Variants in LIX1L observed in about 807,000 individuals in gnomAD.
The protein encoded by LIX1L is LIX1-like protein.
A neutral mutation model predicts 34.0 loss-of-function variants in LIX1L; 20 were observed. That is an observed-to-expected ratio of 0.59 (90% CI 0.41 to 0.85). The LOEUF (loss-of-function observed/expected upper bound fraction) is 0.85. Ranked by LOEUF, LIX1L falls within the 40% of genes least tolerant of loss-of-function variation. The probability of loss-of-function intolerance (pLI) is 0.00; values close to 1 mark genes in which losing one functional copy is unlikely to be tolerated. For missense variants in LIX1L, 397 were observed against 447.0 expected, an observed-to-expected ratio of 0.89 and a Z score of 1.01; for synonymous variants, 170 against 187.4, an observed-to-expected ratio of 0.91 and a Z score of 0.76.
Position 145,936,075 on chromosome 1 carries a change from A to G in LIX1L, c.*235T>C. 2.0e-6 allele frequency: 1 copy of G among 503,268 alleles called. No homozygotes were observed. The highest frequency in any genetic ancestry group is 3.5e-6 in the Non-Finnish European group (1 of 286,968). 31.2% of individuals were successfully genotyped at this position (503,268 alleles called of 1,614,324 possible). On this transcript the variant is annotated 3_prime_UTR_variant, in exon 6 of 6. Coordinates refer to ENST00000604000, the MANE Select transcript of LIX1L (RefSeq NM_153713.3). ...TAAGAGCTAACAAAGCTGCAAAGAC[A>G]AGCTGCTCTTTGTTGTAAAGTGGAC...
chr1:145,946,820 G>T (rs1382045796), intron 2 of LIX1L, among the ~76,000 whole-genome samples: 1 of 152,100 alleles, frequency 6.6e-6, no homozygotes, highest in African/African-American at 2.4e-5. Flanking sequence ...TTGTCTAAGG[G>T]TTTCACAAAC....
At chr1:145,953,859 G>T (rs1649380608) in intron 1 of LIX1L, among the ~76,000 whole-genome samples, 1 of 152,102 alleles carries the variant, frequency 6.6e-6, no homozygotes, top group Admixed American at 6.5e-5. Flanking sequence ...TTCAAGATCA[G>T]CCTGGGCAAC....
intron 2 of LIX1L, among the ~76,000 whole-genome samples, chr1:145,943,179 T>C (rs10494241): frequency 0.036 from 5,500 of 152,276 alleles, 368 homozygotes; most frequent in African/African-American, 0.13. Flanking sequence ...ACAGAATTAG[T>C]TACTCAAAAG....
intron 3 of LIX1L, 144 bp downstream of exon 3, chr1:145,942,569 T>G: frequency 1.3e-6 from 1 of 742,370 alleles, no homozygotes; most frequent in Non-Finnish European, 2.3e-6. Flanking sequence ...CACAATAGAC[T>G]GACAGAGAAT....
intron 3 of LIX1L, among the ~76,000 whole-genome samples, chr1:145,938,012 C>A (rs1329640555): frequency 1.3e-5 from 2 of 151,594 alleles, no homozygotes; most frequent in African/African-American, 4.9e-5. Flanking sequence ...CCTGTAAATC[C>A]CAGCTACTCA....
intron 1 of LIX1L, among the ~76,000 whole-genome samples, chr1:145,954,673 A>G (rs782290147): frequency 6.6e-5 from 10 of 152,228 alleles, no homozygotes; most frequent in Non-Finnish European, 1.3e-4. Context: ...GATGTCAAAC[A>G]TGAGAAAGAG....
In LIX1L at chr1:145,933,573, A is replaced by G. The variant is rs1648507087; in HGVS notation, c.*2737T>C. On this transcript the variant is annotated 3_prime_UTR_variant, in exon 6 of 6. Transcript: ENST00000604000. Reference sequence around the variant, plus strand: ...GTTATTTGGGATCTTACTGGTTGGTATTTGAGAAAAATAATAAATCCAGGA... The same window carrying G: ...GTTATTTGGGATCTTACTGGTTGGTGTTTGAGAAAAATAATAAATCCAGGA... 1 of 152,194 alleles carries G rather than the reference A, an allele frequency of 6.6e-6. No homozygotes were observed. The highest frequency in any genetic ancestry group is 1.5e-5 in the Non-Finnish European group (1 of 68,024). 9.4% of individuals were successfully genotyped at this position (152,194 alleles called of 1,614,324 possible).
chr1:145,957,408 A>G, intron 1 of LIX1L, among the ~76,000 whole-genome samples: 1 of 152,328 alleles, frequency 6.6e-6, no homozygotes, highest in South Asian at 2.1e-4. Flanking sequence ...ATTGTATCTG[A>G]AAAAGAGTCC....
At chr1:145,944,075 GGTT>G (rs1553758972) in intron 2 of LIX1L, among the ~76,000 whole-genome samples, 5 of 151,604 alleles carry the variant, frequency 3.3e-5, no homozygotes, top group African/African-American at 9.7e-5. Context: ...GTAGACCAGG[GGTT>G]GGGCATGGTG....
intron 1 of LIX1L, among the ~76,000 whole-genome samples, chr1:145,950,565 A>T (rs757628254): frequency 6.6e-6 from 1 of 151,692 alleles, no homozygotes; most frequent in Non-Finnish European, 1.5e-5. Flanking sequence ...ACAGGGTTTC[A>T]CCGTGTTAGC....
intron 2 of LIX1L, among the ~76,000 whole-genome samples, chr1:145,945,869 C>T (rs1425071216): frequency 1.4e-5 from 2 of 139,348 alleles, no homozygotes; most frequent in Non-Finnish European, 3.1e-5. Context: ...GGGTGGATTA[C>T]AAGGTCAGGA....
chr1:145,950,630 T>C (rs1205247287), intron 1 of LIX1L, among the ~76,000 whole-genome samples: 1 of 151,756 alleles, frequency 6.6e-6, no homozygotes, highest in African/African-American at 2.4e-5. Context: ...CCTCCCAAAG[T>C]GCTGGGATTA....
chr1:145,947,885 G>A, intron 1 of LIX1L, 103 bp from the exon 2 acceptor site: 1 of 965,010 alleles, frequency 1.0e-6, no homozygotes, highest in Non-Finnish European at 1.6e-6. Context: ...TTAAGAGTCT[G>A]CCCCTTAGCT....
At chr1:145,939,368 C>T (rs587730248) in intron 3 of LIX1L, among the ~76,000 whole-genome samples, 55 of 147,544 alleles carry the variant, frequency 3.7e-4, no homozygotes, top group African/African-American at 1.4e-3. Context: ...TGCAGTGGTG[C>T]GATCTCAGTT....
chr1:145,956,291 A>G (rs181915525), intron 1 of LIX1L, among the ~76,000 whole-genome samples: 1 of 152,348 alleles, frequency 6.6e-6, no homozygotes, highest in African/African-American at 2.4e-5. Flanking sequence ...AAATGGCTCT[A>G]AAAATCTGTT....
chr1:145,942,627 G>T, intron 3 of LIX1L, 86 bp downstream of exon 3: 2 of 1,209,174 alleles, frequency 1.7e-6, no homozygotes, highest in Non-Finnish European at 2.4e-6. Context: ...AAGAATTCAT[G>T]CTCTGTTTCA....
Position 145,936,340 on chromosome 1 carries a change from C to G in LIX1L, c.984G>C (p.Gln328His), listed in dbSNP as rs201790399. The part of the protein sequence containing the change: ...KKDILVLAAG[Q>H]LGNMHSSNC The stretch of plus-strand genomic sequence containing the variant: ...AGTTGGAAGAATGCATATTGCCCAA[C>G]TGCCCAGCAGCCAGCACAAGAATAT... Residue 328 changes from glutamine to histidine, a missense_variant, in exon 6 of 6, where the codon CAG becomes CAC. By Grantham distance (24) the Gln-to-His change is conservative. Transcript: ENST00000604000. 90 of 1,614,164 alleles carry G rather than the reference C, an allele frequency of 5.6e-5. 1 individual carries two copies. In the East Asian group the frequency reaches 2.0e-3, roughly 36 times the overall value.
At chr1:145,943,892 A>C (rs1467925538) in intron 2 of LIX1L, among the ~76,000 whole-genome samples, 2 of 151,504 alleles carry the variant, frequency 1.3e-5, no homozygotes, top group African/African-American at 2.4e-5. Flanking sequence ...AAAAAGAAAA[A>C]ATTAGCCAGG....
At chr1:145,940,440 A>G (rs1648857927) in intron 3 of LIX1L, among the ~76,000 whole-genome samples, 1 of 148,082 alleles carries the variant, frequency 6.8e-6, no homozygotes, top group Non-Finnish European at 1.5e-5. Context: ...TCCATCTCCC[A>G]GGTTCAAGCG....
Sources: allele counts gnomAD v4.1 joint callset (sites outside exome capture counted in the v4.1 genomes callset), GRCh38; gene constraint gnomAD v4.1.1; transcripts MANE v1.5; gene names NCBI Gene and HGNC (gene_info 2026-07-23, HGNC 2026-07-21).